Variants in LPP observed in about 807,000 individuals in gnomAD.
LPP encodes lipoma-preferred partner.
In LPP, 38 loss-of-function variants were observed where a neutral mutation model predicts 60.4. The ratio of observed to expected loss-of-function variants is 0.63; its 90% CI spans 0.49 to 0.83. LPP has a LOEUF of 0.83. Among genes scored for constraint, LPP ranks in the 40% least tolerant of loss-of-function variants. The pLI is 0.00. For missense variants in LPP, 902 were observed against 783.6 expected, an observed-to-expected ratio of 1.15 and a Z score of -1.80; for synonymous variants, 328 against 290.8, an observed-to-expected ratio of 1.13 and a Z score of -1.30.
intron 7 of LPP, among the ~76,000 whole-genome samples, chr3:188,654,817 A>G (rs1408904523): frequency 1.3e-5 from 2 of 152,166 alleles, no homozygotes; most frequent in Admixed American, 6.5e-5. Flanking sequence ...GAGGACTCCA[A>G]CCTGCAGTGT....
At chr3:188,592,557 G>GTTTTTTTTTTTTTT (rs1553936333) in intron 6 of LPP, among the ~76,000 whole-genome samples, 3 of 85,744 alleles carry the variant, frequency 3.5e-5, no homozygotes, top group East Asian at 4.8e-4. Flanking sequence ...TTTTGTTTTT[G>GTTTTTTTTTTTTTT]TTTTTTAAAT....
chr3:188,866,441 G>T, intron 10 of LPP, 63 bp downstream of exon 10: 1 of 1,256,040 alleles, frequency 8.0e-7, no homozygotes, highest in South Asian at 2.4e-5. Context: ...CTTACTGCTT[G>T]GCATCTGGGC....
chr3:188,386,853 A>G (rs1372987256), intron 3 of LPP, among the ~76,000 whole-genome samples: 9 of 152,202 alleles, frequency 5.9e-5, no homozygotes, highest in Admixed American at 3.9e-4. Flanking sequence ...AATAGAGAGT[A>G]ATTAAATATT....
Position 188,874,503 on chromosome 3 carries a change from A to G in LPP, c.*24A>G, listed in dbSNP as rs773452899. 1 of 1,608,230 alleles carries G rather than the reference A, an allele frequency of 6.2e-7. No homozygotes were observed. The highest frequency in any genetic ancestry group is 8.5e-7 in the Non-Finnish European group (1 of 1,175,712). On this transcript the variant is annotated 3_prime_UTR_variant, in exon 12 of 12. Transcript: ENST00000617246. ...AGATTCAGTCACCTGTTCAGCCGGC[A>G]CTGAGAAGAACGAACACAAGAAAAA...
intron 7 of LPP, among the ~76,000 whole-genome samples, chr3:188,627,276 A>T (rs1175228810): frequency 6.6e-6 from 1 of 152,182 alleles, no homozygotes; most frequent in African/African-American, 2.4e-5. Context: ...TGATGGCAAG[A>T]TCAAATGCTT....
At chr3:188,179,158 C>T (rs1724103308) in intron 1 of LPP, 1 of 421,606 alleles carries the variant, frequency 2.4e-6, no homozygotes, top group Non-Finnish European at 4.8e-6. Context: ...TTCCCCCCGG[C>T]CCCCATTCCC....
intron 7 of LPP, among the ~76,000 whole-genome samples, chr3:188,654,696 T>C (rs1435755392): frequency 2.6e-5 from 4 of 152,240 alleles, no homozygotes; most frequent in Admixed American, 2.6e-4. Context: ...TTTCTCAGTC[T>C]TGCTGAGTTT....
intron 6 of LPP, among the ~76,000 whole-genome samples, chr3:188,542,777 G>C (rs1825568683): frequency 6.6e-6 from 1 of 152,084 alleles, no homozygotes; most frequent in South Asian, 2.1e-4. Context: ...CAAGAGCAAT[G>C]GGTCCTCTTC....
At chr3:188,559,192 G>C (rs1830128159) in intron 6 of LPP, among the ~76,000 whole-genome samples, 1 of 152,082 alleles carries the variant, frequency 6.6e-6, no homozygotes, top group African/African-American at 2.4e-5. Context: ...GGGATTCAGA[G>C]TAATTCCTTG....
chr3:188,271,535 G>C (rs1203552238), intron 2 of LPP, among the ~76,000 whole-genome samples: 1 of 152,176 alleles, frequency 6.6e-6, no homozygotes, highest in African/African-American at 2.4e-5. Flanking sequence ...ATGTTAAGAA[G>C]GTTAACAAGA....
At chr3:188,618,607 C>T (rs888336207) in intron 7 of LPP, among the ~76,000 whole-genome samples, 3 of 152,144 alleles carry the variant, frequency 2.0e-5, no homozygotes, top group Non-Finnish European at 4.4e-5. Flanking sequence ...ATTCCTTTGG[C>T]GCAGAGTTTA....
intron 9 of LPP, among the ~76,000 whole-genome samples, chr3:188,826,010 G>A (rs1013629432): frequency 1.3e-5 from 2 of 151,690 alleles, no homozygotes; most frequent in African/African-American, 4.8e-5. Flanking sequence ...TCCTCCCTCC[G>A]CCCCCTCAGC....
intron 8 of LPP, among the ~76,000 whole-genome samples, chr3:188,739,406 C>T (rs1723642028): frequency 6.6e-6 from 1 of 152,040 alleles, no homozygotes; most frequent in Non-Finnish European, 1.5e-5. Flanking sequence ...AAATGAATTG[C>T]ATCCAGAATG....
intron 1 of LPP, among the ~76,000 whole-genome samples, chr3:188,215,083 A>G (rs1712994131): frequency 6.6e-6 from 1 of 152,156 alleles, no homozygotes; most frequent in African/African-American, 2.4e-5. Context: ...AGGTGGGCAG[A>G]TCACTTGAGC....
chr3:188,385,349 G>A (rs781397684), intron 3 of LPP, among the ~76,000 whole-genome samples: 2 of 152,116 alleles, frequency 1.3e-5, no homozygotes, highest in African/African-American at 2.4e-5. Context: ...AAGCGTGTGG[G>A]GGGGTGTGAA....
chr3:188,573,261 ATG>A (rs774348259), intron 6 of LPP, among the ~76,000 whole-genome samples: 1 of 152,114 alleles, frequency 6.6e-6, no homozygotes, highest in Non-Finnish European at 1.5e-5. Context: ...TGTGACATTG[ATG>A]TGTGTCTCAA....
At chr3:188,335,565 G>C (rs1342668833) in intron 2 of LPP, among the ~76,000 whole-genome samples, 4 of 151,990 alleles carry the variant, frequency 2.6e-5, no homozygotes, top group Non-Finnish European at 5.9e-5. Context: ...CTTTATTTTT[G>C]AGATTTATTC....
intron 6 of LPP, among the ~76,000 whole-genome samples, chr3:188,525,882 A>AT (rs1444771692): frequency 2.6e-5 from 4 of 152,006 alleles, no homozygotes; most frequent in Non-Finnish European, 5.9e-5. Context: ...TTGCTTTTTA[A>AT]TTTTTTTATT....
At chr3:188,618,249 A>G (rs781267279) in intron 7 of LPP, among the ~76,000 whole-genome samples, 1 of 152,232 alleles carries the variant, frequency 6.6e-6, no homozygotes, top group African/African-American at 2.4e-5. Context: ...GATCTGTTTC[A>G]TCTTTGGACT....
Sources: gnomAD v4.1 joint callset for allele counts (sites outside exome capture counted in the v4.1 genomes callset) on GRCh38, gnomAD v4.1.1 for gene constraint, MANE v1.5 for transcripts, NCBI Gene and HGNC (gene_info 2026-07-23, HGNC 2026-07-21) for gene names.